INPP5A: variants seen among roughly 807,000 people sequenced by gnomAD.
INPP5A encodes the protein 43 kDa inositol polyphosphate 5-phophatase.
A neutral mutation model predicts 65.2 loss-of-function variants in INPP5A; 14 were observed. That is an observed-to-expected ratio of 0.21 (90% CI 0.14 to 0.34). The LOEUF is 0.34. Ranked by LOEUF, INPP5A falls within the 10% of genes least tolerant of loss-of-function variation. The probability of loss-of-function intolerance (pLI) is 1.00; values close to 1 mark genes in which losing one functional copy is unlikely to be tolerated. For synonymous variants in INPP5A, 207 were observed against 208.3 expected, an observed-to-expected ratio of 0.99 and a Z score of 0.05; for missense variants, 431 against 545.6, an observed-to-expected ratio of 0.79 and a Z score of 2.09.
chr10:132,653,028 C>G (rs2133402640), intron 4 of INPP5A, among the ~76,000 whole-genome samples: 1 of 152,302 alleles, frequency 6.6e-6, no homozygotes, highest in East Asian at 1.9e-4. Context: ...CCACCCGCAC[C>G]CTTGGCATCT....
At chr10:132,596,759 G>A (rs1223213989) in intron 1 of INPP5A, among the ~76,000 whole-genome samples, 1 of 152,064 alleles carries the variant, frequency 6.6e-6, no homozygotes, top group East Asian at 1.9e-4. Flanking sequence ...GTGTACGTGT[G>A]TATGCATGCA....
intron 2 of INPP5A, among the ~76,000 whole-genome samples, chr10:132,618,582 T>G (rs2072072217): frequency 6.6e-6 from 1 of 151,880 alleles, no homozygotes; most frequent in Non-Finnish European, 1.5e-5. Flanking sequence ...GGAAGAAGAG[T>G]GTATTAGGCC....
Position 132,538,527 on chromosome 10 carries a change from A to T in INPP5A, c.75+356A>T, listed in dbSNP as rs901944076. 3.9e-5 allele frequency among the ~76,000 whole-genome samples: 6 copies of T among 152,134 alleles called. No individual in the cohort carries two copies. The highest frequency in any genetic ancestry group is 1.4e-4 in the African/African-American group (6 of 41,430). Reference sequence around the variant, plus strand: ...AAACCCTGTCAGAACCCCTGTTAACAGTTCCTGGAACCCAAACCCCAGAAA... The same window carrying T: ...AAACCCTGTCAGAACCCCTGTTAACTGTTCCTGGAACCCAAACCCCAGAAA... On this transcript the variant is annotated intron_variant, in intron 1 of 15. Transcript: ENST00000368594. The surrounding 1 kb of genome is among the most constrained non-coding windows in gnomAD (Gnocchi z 4.1).
chr10:132,566,752 ATT>A (rs1298891743), intron 1 of INPP5A, among the ~76,000 whole-genome samples: 1 of 152,242 alleles, frequency 6.6e-6, no homozygotes, highest in African/African-American at 2.4e-5. Context: ...AGAATCAGGC[ATT>A]TCCACTAGTG....
chr10:132,668,946 A>T (rs2072843588), intron 4 of INPP5A, among the ~76,000 whole-genome samples: 1 of 152,140 alleles, frequency 6.6e-6, no homozygotes, highest in Non-Finnish European at 1.5e-5. Flanking sequence ...TGCCGGAGAC[A>T]CAGGAAGGTT....
At chr10:132,591,365 G>A (rs1260902647) in intron 1 of INPP5A, among the ~76,000 whole-genome samples, 4 of 152,116 alleles carry the variant, frequency 2.6e-5, no homozygotes, top group East Asian at 3.9e-4. Flanking sequence ...TGGGCGGGGC[G>A]GGCCGCTGGC....
intron 2 of INPP5A, among the ~76,000 whole-genome samples, chr10:132,610,493 G>A (rs1431283465): frequency 6.6e-6 from 1 of 152,242 alleles, no homozygotes; most frequent in East Asian, 1.9e-4. Flanking sequence ...GCTGGCCCTG[G>A]GACATGTGAC....
rs1040105263 is a variant in INPP5A at position 132,782,354 on chromosome 10, G to A, written c.*325G>A. The A allele has an allele frequency of 6.4e-5, 21 of 330,646 alleles. No homozygotes were observed. Among genetic ancestry groups the A allele is most frequent in the African/African-American group, 4.6e-4 (21 of 45,656 alleles). 20.5% of individuals were successfully genotyped at this position (330,646 alleles called of 1,614,324 possible). ...GACTTCACAGTTTTCAGTTTTTAATGATTGCCAGTGGAGGGGCTTCTTCAG... is the reference window on the plus strand; with the variant it reads ...GACTTCACAGTTTTCAGTTTTTAATAATTGCCAGTGGAGGGGCTTCTTCAG... On this transcript the variant is annotated 3_prime_UTR_variant, in exon 16 of 16. Coordinates refer to ENST00000368594, the MANE Select transcript of INPP5A (RefSeq NM_005539.5). The surrounding 1 kb of genome is among the most constrained non-coding windows in gnomAD (Gnocchi z 4.4).
Position 132,587,005 on chromosome 10 carries a change from C to T in INPP5A, c.76-20910C>T, listed in dbSNP as rs2071553684. Reference sequence around the variant, plus strand: ...GCAGACCAATGTCATCATTCCCCGTCCCCTGGGTGGCCCCTCCCCCGCCAT... The same window carrying T: ...GCAGACCAATGTCATCATTCCCCGTTCCCTGGGTGGCCCCTCCCCCGCCAT... On this transcript the variant is annotated intron_variant, in intron 1 of 15. Transcript: ENST00000368594. The surrounding 1 kb of genome is among the most constrained non-coding windows in gnomAD (Gnocchi z 4.3). Among the ~76,000 whole-genome samples, 1 of 152,232 alleles carries T rather than the reference C, an allele frequency of 6.6e-6. No homozygotes were observed. Among genetic ancestry groups the T allele is most frequent in the Admixed American group, 6.5e-5 (1 of 15,278 alleles).
chr10:132,572,271 C>T (rs976292966), intron 1 of INPP5A, among the ~76,000 whole-genome samples: 32 of 152,240 alleles, frequency 2.1e-4, no homozygotes, highest in Non-Finnish European at 4.4e-4. Flanking sequence ...CGGAGTTTCT[C>T]AGCTGGCAAG....
Position 132,547,414 on chromosome 10 carries a change from G to T in INPP5A, c.75+9243G>T, listed in dbSNP as rs3935055. Among the ~76,000 whole-genome samples, 1 of 152,150 alleles carries T rather than the reference G, an allele frequency of 6.6e-6. No individual in the cohort carries two copies. The highest frequency in any genetic ancestry group is 1.9e-4 in the East Asian group (1 of 5,194). Reference sequence around the variant, plus strand: ...CCTGGCCTTTGCTTCTGTCCGGGGCGCGTGGCCCAGGCTGAGCAGTGCACT... The same window carrying T: ...CCTGGCCTTTGCTTCTGTCCGGGGCTCGTGGCCCAGGCTGAGCAGTGCACT... On this transcript the variant is annotated intron_variant, in intron 1 of 15. Coordinates refer to ENST00000368594, the MANE Select transcript of INPP5A (RefSeq NM_005539.5). The surrounding 1 kb of genome is among the most constrained non-coding windows in gnomAD (Gnocchi z 5.5).
rs1379186293 is a variant in INPP5A at position 132,575,571 on chromosome 10, A to C, written c.76-32344A>C. Among the ~76,000 whole-genome samples, 2 of 152,060 alleles carry C rather than the reference A, an allele frequency of 1.3e-5. No homozygotes were observed. Among genetic ancestry groups the C allele is most frequent in the Non-Finnish European group, 1.5e-5 (1 of 67,980 alleles). ...AGCACTATCCTACTTCCCTAACCCA[A>C]CCACAAGCAGCGGAGCCAGTTATTT... On this transcript the variant is annotated intron_variant, in intron 1 of 15. Coordinates refer to ENST00000368594, the MANE Select transcript of INPP5A (RefSeq NM_005539.5). This position sits in a 1 kb window ranked among gnomAD's most constrained non-coding sequence, Gnocchi z 5.4.
At chr10:132,611,625 G>A (rs1285669246) in intron 2 of INPP5A, among the ~76,000 whole-genome samples, 11 of 125,494 alleles carry the variant, frequency 8.8e-5, no homozygotes, top group Admixed American at 7.8e-5. Flanking sequence ...GAGAGGCCCT[G>A]TCAGGGGAGG....
Position 132,753,310 on chromosome 10 carries a change from G to A in INPP5A, c.903+3465G>A, listed in dbSNP as rs1229734750. Reference sequence around the variant, plus strand: ...ACGGTCCGGTTAAACACACAGCACCGCAGCCATGGAGAGCAAACTCTCCGT... The same window carrying A: ...ACGGTCCGGTTAAACACACAGCACCACAGCCATGGAGAGCAAACTCTCCGT... On this transcript the variant is annotated intron_variant, in intron 11 of 15. Transcript: ENST00000368594. The surrounding 1 kb of genome is among the most constrained non-coding windows in gnomAD (Gnocchi z 5.3). 2.0e-5 allele frequency among the ~76,000 whole-genome samples: 3 copies of A among 152,148 alleles called. No homozygotes were observed. Among genetic ancestry groups the A allele is most frequent in the Non-Finnish European group, 2.9e-5 (2 of 68,028 alleles).
At chr10:132,760,771 G>A (rs894588103) in intron 11 of INPP5A, among the ~76,000 whole-genome samples, 51 of 152,314 alleles carry the variant, frequency 3.3e-4, no homozygotes, top group East Asian at 1.9e-4. Flanking sequence ...CATCTGCACA[G>A]CTGGGCCTGT....
intron 4 of INPP5A, among the ~76,000 whole-genome samples, chr10:132,683,501 G>T (rs2073079655): frequency 6.6e-6 from 1 of 152,230 alleles, no homozygotes; most frequent in South Asian, 2.1e-4. Context: ...ATTACCCTAT[G>T]TGGAGGGTGC....
At chr10:132,558,444 A>T (rs1244271486) in intron 1 of INPP5A, among the ~76,000 whole-genome samples, 1 of 152,142 alleles carries the variant, frequency 6.6e-6, no homozygotes, top group Non-Finnish European at 1.5e-5. Context: ...CTGCCTCCTG[A>T]AGCCACGTCC....
intron 2 of INPP5A, among the ~76,000 whole-genome samples, chr10:132,614,691 A>T (rs2072005785): frequency 6.6e-6 from 1 of 152,200 alleles, no homozygotes; most frequent in African/African-American, 2.4e-5. Context: ...GGCCCCTCCC[A>T]CATTCCTGTG....
intron 2 of INPP5A, among the ~76,000 whole-genome samples, chr10:132,621,836 G>A (rs564999489): frequency 2.6e-5 from 4 of 151,184 alleles, no homozygotes; most frequent in African/African-American, 9.7e-5. Flanking sequence ...GAATAAAATA[G>A]GAGGCAGGTT....
Sources: allele counts gnomAD v4.1 joint callset (sites outside exome capture counted in the v4.1 genomes callset), GRCh38; gene constraint gnomAD v4.1.1; non-coding constraint Gnocchi (gnomAD v3.1); transcripts MANE v1.5; gene names NCBI Gene and HGNC (gene_info 2026-07-23, HGNC 2026-07-21).